The following CPE variants were observed in gnomAD, a reference collection of about 807,000 sequenced individuals.
CPE encodes the protein carbocypeptidase E.
Under a neutral mutation model 53.5 loss-of-function variants are expected in CPE, and 17 were observed. The ratio of observed to expected loss-of-function variants is 0.32; its 90% CI spans 0.22 to 0.48. CPE has a LOEUF of 0.48. Ranked by LOEUF, CPE falls within the 20% of genes least tolerant of loss-of-function variation. The pLI, the probability that CPE is intolerant of heterozygous loss-of-function variation, is 0.99. For synonymous variants in CPE, 226 were observed against 228.8 expected, an observed-to-expected ratio of 0.99 and a Z score of 0.11; for missense variants, 524 against 614.7, an observed-to-expected ratio of 0.85 and a Z score of 1.56.
chr4:165,395,356 A>G (rs1047909868), intron 1 of CPE, among the ~76,000 whole-genome samples: 5 of 152,168 alleles, frequency 3.3e-5, no homozygotes, highest in Non-Finnish European at 4.4e-5. Context: ...CATAGAGCTA[A>G]CCTTTGGGTA....
At chr4:165,438,836 A>T (rs1339933926) in intron 1 of CPE, among the ~76,000 whole-genome samples, 41 of 152,266 alleles carry the variant, frequency 2.7e-4, no homozygotes, top group Middle Eastern at 6.8e-3. Flanking sequence ...TAGAGTTTGT[A>T]GTAGAGTTTC....
At chr4:165,394,644 T>C (rs772256900) in intron 1 of CPE, among the ~76,000 whole-genome samples, 3 of 152,158 alleles carry the variant, frequency 2.0e-5, no homozygotes, top group African/African-American at 4.8e-5. Flanking sequence ...TGTGATTCAG[T>C]AGGGAGGATT....
At chr4:165,482,177 T>C (rs1328866801) in intron 3 of CPE, 65 bp from the exon 4 acceptor site, 1 of 1,032,464 alleles carries the variant, frequency 9.7e-7, no homozygotes, top group African/African-American at 1.6e-5. Flanking sequence ...CCTATGTCTT[T>C]TCTGTCAAGT....
intron 1 of CPE, among the ~76,000 whole-genome samples, chr4:165,410,887 G>C (rs1731031600): frequency 6.6e-6 from 1 of 151,966 alleles, no homozygotes; most frequent in African/African-American, 2.4e-5. Context: ...TTCTATGGAT[G>C]TTTCAGGATC....
intron 8 of CPE, among the ~76,000 whole-genome samples, chr4:165,496,559 CA>C (rs3836622): frequency 0.081 from 12,268 of 152,038 alleles, 614 homozygotes; most frequent in African/African-American, 0.14. Context: ...AATCACGATC[CA>C]AAATAATCAG....
chr4:165,490,438 C>T (rs1029234652), intron 6 of CPE, among the ~76,000 whole-genome samples: 4 of 151,850 alleles, frequency 2.6e-5, no homozygotes, highest in South Asian at 4.2e-4. Flanking sequence ...TCAAGACCAT[C>T]CTGGCTAACA....
At chr4:165,404,882 T>G in intron 1 of CPE, 1 of 762,918 alleles carries the variant, frequency 1.3e-6, no homozygotes, top group East Asian at 2.5e-5. Context: ...AATCACCTTC[T>G]CAGGTCTTTT....
At chr4:165,432,340 G>T (rs1034205120) in intron 1 of CPE, among the ~76,000 whole-genome samples, 2 of 152,162 alleles carry the variant, frequency 1.3e-5, no homozygotes, top group Admixed American at 6.5e-5. Context: ...CTGTTGCCCA[G>T]GCTGGAGTGC....
chr4:165,414,563 C>A (rs1042118635), intron 1 of CPE, among the ~76,000 whole-genome samples: 8 of 142,604 alleles, frequency 5.6e-5, no homozygotes, highest in Non-Finnish European at 1.5e-5. Context: ...TAGCAGTATT[C>A]TCTTGTAGGC....
At chr4:165,382,251 G>C (rs1730515270) in intron 1 of CPE, among the ~76,000 whole-genome samples, 1 of 152,200 alleles carries the variant, frequency 6.6e-6, no homozygotes, top group Non-Finnish European at 1.5e-5. Flanking sequence ...TTGAAGAATT[G>C]ATGACAAAAG....
At chr4:165,421,552 C>A (rs1225041166) in intron 1 of CPE, among the ~76,000 whole-genome samples, 1 of 152,238 alleles carries the variant, frequency 6.6e-6, no homozygotes, top group African/African-American at 2.4e-5. Flanking sequence ...TACCTCACAG[C>A]CCTGCATCCT....
chr4:165,442,397 A>G (rs1442732120), intron 1 of CPE, among the ~76,000 whole-genome samples: 2 of 152,182 alleles, frequency 1.3e-5, no homozygotes, highest in Non-Finnish European at 2.9e-5. Flanking sequence ...GTGCTAGTGT[A>G]TCCACAGTAC....
chr4:165,456,143 A>G (rs1053247053), intron 1 of CPE, among the ~76,000 whole-genome samples: 13 of 152,236 alleles, frequency 8.5e-5, no homozygotes, highest in African/African-American at 3.1e-4. Context: ...GGATAGGACT[A>G]TAGAGAGAGC....
At chr4:165,453,038 GC>G (rs1349621872) in intron 1 of CPE, among the ~76,000 whole-genome samples, 1 of 151,086 alleles carries the variant, frequency 6.6e-6, no homozygotes, top group African/African-American at 2.4e-5. Context: ...GTGCAGTGGC[GC>G]AATCTCAGCT....
In CPE at chr4:165,390,941, C is replaced by T. The variant is rs1028512102; in HGVS notation, c.307+11413C>T. Among the ~76,000 whole-genome samples the T allele has an allele frequency of 8.6e-5, 13 of 152,020 alleles. 1 individual carries two copies. The highest frequency in any genetic ancestry group is 4.1e-4 in the South Asian group (2 of 4,822). On this transcript the variant is annotated intron_variant, in intron 1 of 8. Transcript: ENST00000402744. ...TTTTTGAGATCCTTTTCTATTGTTT[C>T]GAGACTTCTGAGTATGCTTTTTAAT...
intron 6 of CPE, 37 bp downstream of exon 6, chr4:165,487,614 C>T (rs1485039804): frequency 6.2e-7 from 1 of 1,611,856 alleles, no homozygotes; most frequent in African/African-American, 1.3e-5. Flanking sequence ...GCAAGGTTTA[C>T]AAGCATTCAA....
intron 1 of CPE, among the ~76,000 whole-genome samples, chr4:165,456,791 G>C (rs1731911032): frequency 6.9e-6 from 1 of 145,308 alleles, no homozygotes; most frequent in Non-Finnish European, 1.5e-5. Context: ...GCCCAGGCTG[G>C]AGTATAGTGG....
intron 2 of CPE, among the ~76,000 whole-genome samples, chr4:165,467,267 T>C (rs949100570): frequency 3.3e-5 from 5 of 152,158 alleles, no homozygotes; most frequent in African/African-American, 1.2e-4. Flanking sequence ...AGGTTACAGT[T>C]AGCTGTGATT....
chr4:165,455,326 C>A (rs1435425778), intron 1 of CPE, among the ~76,000 whole-genome samples: 1 of 152,100 alleles, frequency 6.6e-6, no homozygotes, highest in Non-Finnish European at 1.5e-5. Flanking sequence ...TCCAATTTAT[C>A]TTATTTGATA....
Sources: gnomAD v4.1 joint callset for allele counts (sites outside exome capture counted in the v4.1 genomes callset) on GRCh38, gnomAD v4.1.1 for gene constraint, MANE v1.5 for transcripts, NCBI Gene and HGNC (gene_info 2026-07-23, HGNC 2026-07-21) for gene names.